The following ANKRD13C variants were observed in gnomAD, a reference collection of about 807,000 sequenced individuals.
ANKRD13C encodes ankyrin repeat domain 13C.
ANKRD13C carries 16 observed loss-of-function variants against 65.5 expected under a neutral mutation model. That is an observed-to-expected ratio of 0.24 (90% CI 0.17 to 0.37). The LOEUF is 0.37. ANKRD13C is among the 10% of genes least tolerant of loss of function. The pLI is 1.00. For missense variants in ANKRD13C, 503 were observed against 655.9 expected (o/e 0.77, Z 2.55); for synonymous variants, 235 against 238.7 (o/e 0.98, Z 0.14).
chr1:70,292,626 T>C, intron 8 of ANKRD13C, 77 bp from the exon 9 acceptor site: 1 of 1,052,264 alleles, frequency 9.5e-7, no homozygotes, highest in Non-Finnish European at 1.4e-6. Flanking sequence ...TTTCCATAAA[T>C]ATGTAACATG....
intron 1 of ANKRD13C, among the ~76,000 whole-genome samples, chr1:70,347,025 G>A (rs1682558881): frequency 6.8e-6 from 1 of 147,266 alleles, no homozygotes; most frequent in Non-Finnish European, 1.5e-5. Flanking sequence ...CGGGGAGGCG[G>A]AGCTTGCAGT....
chr1:70,313,814 T>C, intron 4 of ANKRD13C, 24 bp from the exon 5 acceptor site: 2 of 1,572,564 alleles, frequency 1.3e-6, no homozygotes, highest in East Asian at 2.2e-5. Flanking sequence ...TATGAATAAT[T>C]ACTAAATGCA....
intron 4 of ANKRD13C, among the ~76,000 whole-genome samples, chr1:70,314,445 G>A (rs955434035): frequency 2.0e-5 from 3 of 150,620 alleles, no homozygotes; most frequent in African/African-American, 7.3e-5. Flanking sequence ...GGCTAGTCTC[G>A]AACTCCTGAC....
At chr1:70,283,419 C>G (rs1679482403) in intron 9 of ANKRD13C, among the ~76,000 whole-genome samples, 1 of 151,974 alleles carries the variant, frequency 6.6e-6, no homozygotes, top group Non-Finnish European at 1.5e-5. Context: ...TACTTTATTT[C>G]TAGGTTTGTT....
chr1:70,314,180 A>T (rs1051236266), intron 4 of ANKRD13C, among the ~76,000 whole-genome samples: 2 of 152,002 alleles, frequency 1.3e-5, no homozygotes, highest in Non-Finnish European at 2.9e-5. Flanking sequence ...ATACAAGTTT[A>T]TTAAATCTGA....
intron 4 of ANKRD13C, among the ~76,000 whole-genome samples, chr1:70,315,105 G>C (rs1018197899): frequency 1.3e-5 from 2 of 152,078 alleles, no homozygotes; most frequent in African/African-American, 2.4e-5. Flanking sequence ...CTGGGCGACA[G>C]AGTGAGGCGC....
In ANKRD13C at chr1:70,330,430, C is replaced by T. The variant is rs186548102; in HGVS notation, c.473-5473G>A. 8.1e-4 allele frequency among the ~76,000 whole-genome samples: 123 copies of T among 151,864 alleles called. 1 individual carries two copies. The South Asian group carries it at 0.023, about 28-fold the overall frequency. ...AAACTTAGCTGGACGTGGTGGCATG[C>T]GCCTGTAATCCCGGCTGCTCAGGAG... On this transcript the variant is annotated intron_variant, in intron 2 of 12. Coordinates refer to ENST00000370944, the MANE Select transcript of ANKRD13C (RefSeq NM_030816.5).
intron 2 of ANKRD13C, among the ~76,000 whole-genome samples, chr1:70,335,847 A>C (rs1682002623): frequency 1.3e-5 from 2 of 151,700 alleles, no homozygotes; most frequent in Non-Finnish European, 2.9e-5. Flanking sequence ...TTCAAAAGAC[A>C]TAAAAGTTAG....
At chr1:70,303,133 A>G (rs557667366) in intron 6 of ANKRD13C, among the ~76,000 whole-genome samples, 3 of 152,186 alleles carry the variant, frequency 2.0e-5, no homozygotes, top group Non-Finnish European at 4.4e-5. Flanking sequence ...AATACAGCCT[A>G]TTTTTATTTC....
rs79949883 is a variant in ANKRD13C, at chr1:70,337,653, C to T, written c.431-1554G>A. ...AATTTTACCAAAAACAAAACAAAAC[C>T]CTGGATTACAGAAAATCTCTTGATC... On this transcript the variant is annotated intron_variant, in intron 1 of 12. Coordinates refer to ENST00000370944, the MANE Select transcript of ANKRD13C (RefSeq NM_030816.5). Among the ~76,000 whole-genome samples, 1,407 of 151,818 alleles carry T rather than the reference C, an allele frequency of 9.3e-3. 6 individuals are homozygous for T. Among genetic ancestry groups the T allele is most frequent in the Non-Finnish European group, 0.015 (1,034 of 67,904 alleles).
chr1:70,349,717 A>C (rs1682668777), intron 1 of ANKRD13C, among the ~76,000 whole-genome samples: 1 of 152,242 alleles, frequency 6.6e-6, no homozygotes, highest in Non-Finnish European at 1.5e-5. Flanking sequence ...TAAAGGACCA[A>C]AACTAACAAA....
intron 5 of ANKRD13C, among the ~76,000 whole-genome samples, chr1:70,313,359 T>C (rs1680927719): frequency 6.6e-6 from 1 of 151,906 alleles, no homozygotes; most frequent in Non-Finnish European, 1.5e-5. Flanking sequence ...TGAGATTCCA[T>C]CTCTACAAAA....
At chr1:70,277,610 G>C (rs944925719) in intron 9 of ANKRD13C, among the ~76,000 whole-genome samples, 2 of 151,842 alleles carry the variant, frequency 1.3e-5, no homozygotes, top group Non-Finnish European at 2.9e-5. Context: ...TATGAGAAAA[G>C]ATAGCAATCT....
At chr1:70,353,894 AG>A in intron 1 of ANKRD13C, 84 bp downstream of exon 1, 1 of 1,415,436 alleles carries the variant, frequency 7.1e-7, no homozygotes, top group Non-Finnish European at 9.3e-7. Context: ...AGTCTGCTGG[AG>A]GGGGCCTAGG....
intron 9 of ANKRD13C, 142 bp downstream of exon 9, chr1:70,292,246 G>A (rs992780945): frequency 3.4e-5 from 20 of 580,112 alleles, no homozygotes; most frequent in Non-Finnish European, 5.1e-5. Flanking sequence ...TGACATCAAC[G>A]AAATGAAGAT....
In ANKRD13C at chr1:70,354,521, T is replaced by A; in HGVS notation, c.-113A>T. On this transcript the variant is annotated 5_prime_UTR_variant, in exon 1 of 13. The change abolishes an upstream ATG in the 5' untranslated region. Transcript: ENST00000370944. ...GTGGCCAAGAGCCTCCAGCGCAGCA[T>A]GAACTCCCACTGAGCCCCCGAGCCT... The A allele has an allele frequency of 6.9e-7, 1 of 1,450,754 alleles. No homozygotes were observed. Among genetic ancestry groups the A allele is most frequent in the Non-Finnish European group, 9.0e-7 (1 of 1,107,252 alleles). 89.9% of individuals were successfully genotyped at this position (1,450,754 alleles called of 1,614,324 possible). A position where few individuals can be genotyped will look rare whatever the true frequency, so the allele number is the denominator to read the frequency against.
intron 12 of ANKRD13C, among the ~76,000 whole-genome samples, chr1:70,269,592 G>A (rs183400588): frequency 2.0e-5 from 3 of 152,240 alleles, no homozygotes; most frequent in East Asian, 1.9e-4. Flanking sequence ...GCTCTGAATT[G>A]CATTAGTTTT....
At chr1:70,286,189 G>A (rs753428020) in intron 9 of ANKRD13C, among the ~76,000 whole-genome samples, 9 of 151,956 alleles carry the variant, frequency 5.9e-5, no homozygotes, top group Non-Finnish European at 1.2e-4. Context: ...CAAATTATAT[G>A]TATTGATGAA....
intron 2 of ANKRD13C, among the ~76,000 whole-genome samples, chr1:70,325,497 C>T (rs771938964): frequency 3.9e-5 from 6 of 152,126 alleles, no homozygotes; most frequent in South Asian, 2.1e-4. Flanking sequence ...TATGATACAA[C>T]GACAAATCTA....
Sources: gnomAD v4.1 joint callset for allele counts (sites outside exome capture counted in the v4.1 genomes callset) on GRCh38, gnomAD v4.1.1 for gene constraint, MANE v1.5 for transcripts, NCBI Gene and HGNC (gene_info 2026-07-23, HGNC 2026-07-21) for gene names.